The following ABTB3 variants were observed in gnomAD, a reference collection of about 807,000 sequenced individuals.
The protein encoded by ABTB3 is ankyrin repeat and BTB domain containing 3, also known as ankyrin repeat- and BTB/POZ domain-containing protein 3.
chr12:107,321,603 C>T, the ABTB3 span, among the ~76,000 whole-genome samples: 2 of 85,434 alleles, frequency 2.3e-5, no homozygotes, highest in African/African-American at 8.9e-5. Flanking sequence ...ATCTTCGAGG[C>T]CACACACACA....
chr12:107,541,251 G>A, the ABTB3 span, among the ~76,000 whole-genome samples: 2 of 152,182 alleles, frequency 1.3e-5, no homozygotes, highest in Non-Finnish European at 2.9e-5. Context: ...ACTCGAATTT[G>A]GATGTTAGGT....
chr12:107,523,608 T>C, the ABTB3 span, among the ~76,000 whole-genome samples: 3 of 152,192 alleles, frequency 2.0e-5, no homozygotes, highest in African/African-American at 7.2e-5. Flanking sequence ...TAACAAGATA[T>C]AGCAGCAGGT....
the ABTB3 span, among the ~76,000 whole-genome samples, chr12:107,540,051 G>A: frequency 1.3e-5 from 2 of 152,200 alleles, no homozygotes; most frequent in Non-Finnish European, 2.9e-5. Flanking sequence ...TGAAGATGCA[G>A]AGAGATGTAG....
At chr12:107,478,776 C>A in the ABTB3 span, among the ~76,000 whole-genome samples, 1 of 152,050 alleles carries the variant, frequency 6.6e-6, no homozygotes, top group African/African-American at 2.4e-5. Context: ...TCATTATTAT[C>A]TAGAATCCAA....
the ABTB3 span, among the ~76,000 whole-genome samples, chr12:107,546,779 C>T: frequency 0.3 from 46,096 of 152,000 alleles, 7,240 homozygotes; most frequent in African/African-American, 0.37. Context: ...GCAGGAGAAT[C>T]GCTTGAACCC....
the ABTB3 span, among the ~76,000 whole-genome samples, chr12:107,469,920 T>TTCTTTCTCTCTCTCTC: frequency 4.9e-5 from 5 of 102,034 alleles, no homozygotes; most frequent in East Asian, 3.0e-4. Context: ...CTTTCTTTCT[T>TTCTTTCTCTCTCTCTC]TCTCTCTCTC....
chr12:107,369,707 G>GT, the ABTB3 span, among the ~76,000 whole-genome samples: 135 of 76,140 alleles, frequency 1.8e-3, 3 homozygotes, highest in Non-Finnish European at 2.5e-3. Context: ...CCCAAACATG[G>GT]TTTTTTTTTT....
chr12:107,459,534 A>G, the ABTB3 span, among the ~76,000 whole-genome samples: 3 of 152,222 alleles, frequency 2.0e-5, no homozygotes, highest in Non-Finnish European at 4.4e-5. Flanking sequence ...AGTTTTAAGA[A>G]GGCTGATCAG....
At chr12:107,428,871 T>C in the ABTB3 span, among the ~76,000 whole-genome samples, 1 of 152,208 alleles carries the variant, frequency 6.6e-6, no homozygotes, top group South Asian at 2.1e-4. Flanking sequence ...CCTCACAGCA[T>C]CCCAGTGAGG....
the ABTB3 span, among the ~76,000 whole-genome samples, chr12:107,343,720 A>G: frequency 6.6e-6 from 1 of 152,226 alleles, no homozygotes; most frequent in East Asian, 1.9e-4. Context: ...ATAGTTCTGC[A>G]TGGCTCGGGA....
At chr12:107,576,402 G>T in the ABTB3 span, among the ~76,000 whole-genome samples, 1 of 152,190 alleles carries the variant, frequency 6.6e-6, no homozygotes, top group Non-Finnish European at 1.5e-5. Flanking sequence ...TGGCAGGGTT[G>T]TCTTCCTCCA....
At chr12:107,569,406 T>C in the ABTB3 span, among the ~76,000 whole-genome samples, 1 of 152,248 alleles carries the variant, frequency 6.6e-6, no homozygotes, top group Non-Finnish European at 1.5e-5. Flanking sequence ...GGGTTAACTA[T>C]GGTAAGTTCA....
the ABTB3 span, among the ~76,000 whole-genome samples, chr12:107,482,824 TC>T: frequency 6.6e-6 from 1 of 151,794 alleles, no homozygotes; most frequent in South Asian, 2.1e-4. Context: ...TTTCTTTCTT[TC>T]TTTTTCTTTC....
the ABTB3 span, among the ~76,000 whole-genome samples, chr12:107,573,186 G>A: frequency 6.6e-6 from 1 of 152,168 alleles, no homozygotes; most frequent in Non-Finnish European, 1.5e-5. Flanking sequence ...TCAGGGTGTG[G>A]GGAAGTCATC....
chr12:107,464,497 G>A, the ABTB3 span, among the ~76,000 whole-genome samples: 1 of 152,086 alleles, frequency 6.6e-6, no homozygotes, highest in African/African-American at 2.4e-5. Flanking sequence ...GTTTTGTAAG[G>A]CTGGGGTCTC....
At chr12:107,514,012 TTATC>T in the ABTB3 span, among the ~76,000 whole-genome samples, 1 of 152,232 alleles carries the variant, frequency 6.6e-6, no homozygotes, top group Non-Finnish European at 1.5e-5. Context: ...AACAGGGTAT[TTATC>T]AGGTACTTTC....
the ABTB3 span, among the ~76,000 whole-genome samples, chr12:107,553,077 A>G: frequency 6.6e-6 from 1 of 152,214 alleles, no homozygotes; most frequent in Non-Finnish European, 1.5e-5. Flanking sequence ...GCTGTGAACA[A>G]GAAATAATAA....
chr12:107,455,756 G>A, the ABTB3 span, among the ~76,000 whole-genome samples: 1 of 152,200 alleles, frequency 6.6e-6, no homozygotes, highest in Admixed American at 6.5e-5. Flanking sequence ...CTCTCTCACA[G>A]GTTAGGGTCA....
the ABTB3 span, among the ~76,000 whole-genome samples, chr12:107,523,976 TC>T: frequency 1.1e-4 from 17 of 152,304 alleles, no homozygotes; most frequent in Non-Finnish European, 2.1e-4. Flanking sequence ...TCCCCCAGCC[TC>T]CAGCACCTGG....
Sources: allele counts gnomAD v4.1 joint callset (sites outside exome capture counted in the v4.1 genomes callset), GRCh38; gene constraint gnomAD v4.1.1; transcripts MANE v1.5; gene names NCBI Gene and HGNC (gene_info 2026-07-23, HGNC 2026-07-21).